ADAMTS14: variants seen among roughly 807,000 people sequenced by gnomAD.
The protein encoded by ADAMTS14 is ADAM metallopeptidase with thrombospondin type 1 motif 14, also known as A disintegrin and metalloproteinase with thrombospondin motifs 14.
A neutral mutation model predicts 128.6 loss-of-function variants in ADAMTS14; 100 were observed. The observed-to-expected ratio is 0.78, with a 90% CI of 0.66 to 0.92. The LOEUF is 0.92. ADAMTS14 is among the 40% of genes least tolerant of loss of function. ADAMTS14 has a pLI of 0.00. For synonymous variants in ADAMTS14, 665 were observed against 653.8 expected, an observed-to-expected ratio of 1.02 and a Z score of -0.26; for missense variants, 1,562 against 1,658.6, an observed-to-expected ratio of 0.94 and a Z score of 1.01.
In ADAMTS14 at chr10:70,749,812, C is replaced by T. The variant is rs376614311; in HGVS notation, c.2264-10C>T. On this transcript the variant is annotated splice_polypyrimidine_tract_variant and intron_variant, in intron 15 of 21. Coordinates refer to ENST00000373207, the MANE Select transcript of ADAMTS14 (RefSeq NM_080722.4). ...AGAAATCTGTGTGACCCTCTCCCCC[C>T]ACCGGTCAGTGGTGAAGAACCAGGT... 110 of 1,613,238 alleles carry T rather than the reference C, an allele frequency of 6.8e-5. No homozygotes were observed. Among genetic ancestry groups the T allele is most frequent in the South Asian group, 1.5e-4 (14 of 91,056 alleles).
intron 2 of ADAMTS14, among the ~76,000 whole-genome samples, chr10:70,700,607 C>T (rs1333356033): frequency 1.3e-5 from 2 of 152,090 alleles, no homozygotes; most frequent in Admixed American, 6.5e-5. Flanking sequence ...CAGTCTTAGC[C>T]CCTGCCTAGG....
intron 3 of ADAMTS14, among the ~76,000 whole-genome samples, chr10:70,706,247 A>G (rs10740356): frequency 6.6e-6 from 1 of 152,030 alleles, no homozygotes; most frequent in African/African-American, 2.4e-5. Flanking sequence ...CCCGATAGAC[A>G]GTGGTCATGG....
At chr10:70,749,433 C>T (rs1345159608) in intron 15 of ADAMTS14, among the ~76,000 whole-genome samples, 1 of 152,142 alleles carries the variant, frequency 6.6e-6, no homozygotes, top group East Asian at 1.9e-4. Context: ...CTATGCTCTG[C>T]TATAGAAATT....
rs762606717 is a variant in ADAMTS14, at chr10:70,758,300, TG to T, written c.3178+17del. On this transcript the variant is annotated intron_variant, in intron 21 of 21. Coordinates refer to ENST00000373207, the MANE Select transcript of ADAMTS14 (RefSeq NM_080722.4). ...GATATCATCAAGTAAGTACAGTCTA[TG>T]GACCCTACCCTGCTCCCCAGACCTT... 7 of 1,610,394 alleles carry T rather than the reference TG, an allele frequency of 4.3e-6. No individual in the cohort carries two copies. The highest frequency in any genetic ancestry group is 1.7e-6 in the Non-Finnish European group (2 of 1,177,556).
intron 2 of ADAMTS14, among the ~76,000 whole-genome samples, chr10:70,690,644 G>A (rs1840157245): frequency 6.9e-6 from 1 of 145,076 alleles, no homozygotes; most frequent in Admixed American, 6.8e-5. Context: ...CCAGGCTGCT[G>A]TAGGGCTCAT....
At chr10:70,688,422 G>C (rs1449803158) in intron 2 of ADAMTS14, among the ~76,000 whole-genome samples, 1 of 74,502 alleles carries the variant, frequency 1.3e-5, no homozygotes, top group South Asian at 6.9e-4. Context: ...CATCCCAGAC[G>C]ATGGGCGGCC....
At chr10:70,718,010 G>C (rs1168632591) in intron 4 of ADAMTS14, among the ~76,000 whole-genome samples, 1 of 152,226 alleles carries the variant, frequency 6.6e-6, no homozygotes, top group African/African-American at 2.4e-5. Flanking sequence ...TTTTAGACCT[G>C]GGAGGTTTTG....
intron 2 of ADAMTS14, among the ~76,000 whole-genome samples, chr10:70,680,137 C>A (rs1413389906): frequency 6.6e-6 from 1 of 152,218 alleles, no homozygotes; most frequent in Admixed American, 6.5e-5. Flanking sequence ...CGCGGTGGCT[C>A]ATGCCTGTAA....
chr10:70,720,552 A>T (rs1490021233), intron 4 of ADAMTS14, among the ~76,000 whole-genome samples: 3 of 152,224 alleles, frequency 2.0e-5, no homozygotes, highest in Non-Finnish European at 4.4e-5. Flanking sequence ...GTCCCAACCC[A>T]GGGTAAACCA....
intron 2 of ADAMTS14, among the ~76,000 whole-genome samples, chr10:70,681,002 G>A (rs1223343130): frequency 6.6e-6 from 1 of 152,226 alleles, no homozygotes; most frequent in Non-Finnish European, 1.5e-5. Flanking sequence ...TATCATCAGA[G>A]TCCCTTTATT....
At chr10:70,712,128 C>G (rs1840881417) in intron 4 of ADAMTS14, among the ~76,000 whole-genome samples, 1 of 152,110 alleles carries the variant, frequency 6.6e-6, no homozygotes, top group Non-Finnish European at 1.5e-5. Context: ...ACCGCCCACC[C>G]AGACTCTGCA....
Position 70,732,352 on chromosome 10 carries a change from G to A in ADAMTS14, c.1201G>A (p.Gly401Ser), listed in dbSNP as rs758851994. The stretch of plus-strand genomic sequence containing the variant: ...AGCCTTCGTGATAGCTCATGAGACC[G>A]GCCACGTGTAAGTGGCAGCAGCACG... ...SSAFVIAHET[G>S]HVLGMEHDGQ... The change falls in exon 7 of 22, where the codon GGC (glycine) becomes AGC (serine). Residue 401 changes from glycine to serine, a missense_variant. Transcript: ENST00000373207. 18 of 1,613,504 alleles carry A rather than the reference G, an allele frequency of 1.1e-5. 1 individual carries two copies. The Middle Eastern group carries it at 4.9e-4, about 44-fold the overall frequency.
chr10:70,758,989 G>A (rs986812014), intron 21 of ADAMTS14, among the ~76,000 whole-genome samples: 1 of 152,156 alleles, frequency 6.6e-6, no homozygotes, highest in Non-Finnish European at 1.5e-5. Flanking sequence ...AAGATGAGTA[G>A]CAGAAAGATC....
At chr10:70,751,686 C>T in intron 17 of ADAMTS14, 40 bp downstream of exon 17, 1 of 1,590,106 alleles carries the variant, frequency 6.3e-7, no homozygotes. Flanking sequence ...GTTGGGGCAG[C>T]CCAGGATCCC....
At chr10:70,692,351 C>G (rs1303653285) in intron 2 of ADAMTS14, among the ~76,000 whole-genome samples, 1 of 152,186 alleles carries the variant, frequency 6.6e-6, no homozygotes. Context: ...ATTTCATCTT[C>G]CCATCCACTC....
intron 3 of ADAMTS14, among the ~76,000 whole-genome samples, chr10:70,708,056 G>C (rs1840720419): frequency 6.6e-6 from 1 of 152,224 alleles, no homozygotes; most frequent in Non-Finnish European, 1.5e-5. Flanking sequence ...GAGCAGCGAT[G>C]GTGAAATCTG....
At chr10:70,691,170 A>T (rs899239918) in intron 2 of ADAMTS14, among the ~76,000 whole-genome samples, 2 of 144,172 alleles carry the variant, frequency 1.4e-5, no homozygotes, top group African/African-American at 4.9e-5. Flanking sequence ...GGGGAGTAGA[A>T]ATAAAAAGTG....
chr10:70,692,825 C>A (rs1184462498), intron 2 of ADAMTS14, among the ~76,000 whole-genome samples: 3 of 152,198 alleles, frequency 2.0e-5, no homozygotes, highest in Non-Finnish European at 2.9e-5. Context: ...GGATGTTCAA[C>A]CACTGGTATT....
At chr10:70,704,289 CAGTA>C (rs1194218424) in intron 3 of ADAMTS14, among the ~76,000 whole-genome samples, 2 of 152,180 alleles carry the variant, frequency 1.3e-5, no homozygotes. Context: ...TCTCGGCACT[CAGTA>C]AGGCCTCAGC....
Sources: gnomAD v4.1 joint callset for allele counts (sites outside exome capture counted in the v4.1 genomes callset) on GRCh38, gnomAD v4.1.1 for gene constraint, MANE v1.5 for transcripts, NCBI Gene and HGNC (gene_info 2026-07-23, HGNC 2026-07-21) for gene names.